The following CD40 variants were observed in gnomAD, a reference collection of about 807,000 sequenced individuals.
CD40 encodes the protein tumor necrosis factor receptor superfamily member 5.
A neutral mutation model predicts 38.5 loss-of-function variants in CD40; 19 were observed. That is an observed-to-expected ratio of 0.49 (90% CI 0.34 to 0.72). The LOEUF is 0.72. CD40 is among the 30% of genes least tolerant of loss of function. The pLI is 0.01. For synonymous variants in CD40, 130 were observed against 128.7 expected, an observed-to-expected ratio of 1.01 and a Z score of -0.07; for missense variants, 256 against 344.1, an observed-to-expected ratio of 0.74 and a Z score of 2.03.
chr20:46,126,590 A>G (rs2085440944), intron 5 of CD40, 50 bp from the exon 6 acceptor site: 1 of 1,612,020 alleles, frequency 6.2e-7, no homozygotes, highest in Non-Finnish European at 8.5e-7. Context: ...GAAACTTAAT[A>G]TCTCTTTCTT....
intron 1 of CD40, among the ~76,000 whole-genome samples, chr20:46,120,491 C>T (rs965678126): frequency 6.6e-6 from 1 of 152,238 alleles, no homozygotes; most frequent in African/African-American, 2.4e-5. Context: ...TAGAATTAAA[C>T]ATACACTTAC....
intron 5 of CD40, among the ~76,000 whole-genome samples, chr20:46,124,465 T>A (rs1401798019): frequency 6.6e-6 from 1 of 152,084 alleles, no homozygotes; most frequent in Non-Finnish European, 1.5e-5. Context: ...TCCTTGCATA[T>A]CCTTCCAGAG....
chr20:46,118,653 G>A (rs1439110305), intron 1 of CD40, among the ~76,000 whole-genome samples: 1 of 152,188 alleles, frequency 6.6e-6, no homozygotes, highest in Admixed American at 6.5e-5. Flanking sequence ...AGACGGCCTG[G>A]ACGGGTTTAG....
chr20:46,128,940 CCA>C lies in CD40; in HGVS notation c.735_736del (p.Asn246HisfsTer60). ...AATTTTCCCGACGATCTTCCTGGCT[CCA>C]ACACTGCTGCTCCAGTGCAGGAGAC... is the stretch of plus-strand genomic sequence containing the variant. On this transcript the variant is annotated frameshift_variant, in exon 9 of 9. Coordinates refer to ENST00000372285, the MANE Select transcript of CD40 (RefSeq NM_001250.6). LOFTEE classifies it high-confidence loss of function. 2 of 1,614,210 alleles carry C rather than the reference CCA, an allele frequency of 1.2e-6. No homozygotes were observed. The highest frequency in any genetic ancestry group is 1.7e-6 in the Non-Finnish European group (2 of 1,180,038).
intron 5 of CD40, among the ~76,000 whole-genome samples, chr20:46,124,049 A>T (rs934218083): frequency 6.6e-6 from 1 of 152,210 alleles, no homozygotes; most frequent in Non-Finnish European, 1.5e-5. Context: ...CTGTAATCTC[A>T]GCACTTTGGA....
intron 5 of CD40, among the ~76,000 whole-genome samples, chr20:46,124,867 C>T (rs369778588): frequency 2.7e-5 from 4 of 145,942 alleles, no homozygotes; most frequent in Admixed American, 7.2e-5. Context: ...CCCAGGTTCA[C>T]GCCATTCTCC....
intron 1 of CD40, among the ~76,000 whole-genome samples, chr20:46,120,683 C>T (rs2085300199): frequency 2.0e-5 from 3 of 152,118 alleles, no homozygotes; most frequent in Admixed American, 2.0e-4. Context: ...GTTTTGTTTC[C>T]CCAGAATTTA....
At position 46,122,906 on chromosome 20, in the gene CD40, A is replaced by AATGAACAAGGTCC; in HGVS notation, c.403+150_403+151insATGAACAAGGTCC. 2 of 1,057,100 alleles carry AATGAACAAGGTCC rather than the reference A, an allele frequency of 1.9e-6. No individual in the cohort carries two copies. Among genetic ancestry groups the AATGAACAAGGTCC allele is most frequent in the Non-Finnish European group, 2.8e-6 (2 of 719,250 alleles). 65.5% of individuals were successfully genotyped at this position (1,057,100 alleles called of 1,614,324 possible). On this transcript the variant is annotated intron_variant, in intron 4 of 8. Coordinates refer to ENST00000372285, the MANE Select transcript of CD40 (RefSeq NM_001250.6). The surrounding 1 kb of genome is among the most constrained non-coding windows in gnomAD (Gnocchi z 5.0). ...GTATCCCCACTGGAGTGAGCTGCAG[A>AATGAACAAGGTCC]CGGGACCTTGTTCATTCTGCCTTCT...
At position 46,118,342 on chromosome 20, in the gene CD40, C is replaced by T. The variant is rs758449676; in HGVS notation, c.-2C>T. 2.5e-6 allele frequency: 4 copies of T among 1,613,776 alleles called. No individual in the cohort carries two copies. Among genetic ancestry groups the T allele is most frequent in the Non-Finnish European group, 3.4e-6 (4 of 1,179,982 alleles). ...GGTCCTGCCGCCTGGTCTCACCTCGCTATGGTTCGTCTGCCTCTGCAGTGC... is the reference window on the plus strand; with the variant it reads ...GGTCCTGCCGCCTGGTCTCACCTCGTTATGGTTCGTCTGCCTCTGCAGTGC... On this transcript the variant is annotated 5_prime_UTR_variant, in exon 1 of 9. Transcript: ENST00000372285.
intron 1 of CD40, 151 bp downstream of exon 1, chr20:46,118,545 T>C: frequency 1.3e-6 from 1 of 780,188 alleles, no homozygotes; most frequent in South Asian, 1.5e-5. Flanking sequence ...CGCTCCTGGC[T>C]GAATGGGGTG....
chr20:46,122,458 T>C lies in CD40; in HGVS notation c.256+100T>C. On this transcript the variant is annotated intron_variant, in intron 3 of 8. Coordinates refer to ENST00000372285, the MANE Select transcript of CD40 (RefSeq NM_001250.6). The surrounding 1 kb of genome is among the most constrained non-coding windows in gnomAD (Gnocchi z 5.0). Reference sequence around the variant, plus strand: ...TGTAGCCAGGGTCTGCTCTGATTGGTTGGAGTCCGGGCTGTACTGATCATT... The same window carrying C: ...TGTAGCCAGGGTCTGCTCTGATTGGCTGGAGTCCGGGCTGTACTGATCATT... 5 of 1,584,440 alleles carry C rather than the reference T, an allele frequency of 3.2e-6. No homozygotes were observed. The South Asian group carries it at 5.5e-5, about 18-fold the overall frequency.
In CD40 at chr20:46,121,602, T is replaced by G. The variant is rs1282149181; in HGVS notation, c.52-218T>G. ...ATTGTGAGTTTACAGTACCATTGCT[T>G]TGTAAAAATACCAGAATGATTCTCT... On this transcript the variant is annotated intron_variant, in intron 1 of 8. Transcript: ENST00000372285. The G allele has an allele frequency of 1.6e-5, 10 of 606,580 alleles. No homozygotes were observed. The African/African-American group carries it at 1.8e-4, about 11-fold the overall frequency. 37.6% of individuals were successfully genotyped at this position (606,580 alleles called of 1,614,324 possible).
chr20:46,118,809 C>T (rs919722159), intron 1 of CD40, among the ~76,000 whole-genome samples: 1 of 152,202 alleles, frequency 6.6e-6, no homozygotes, highest in Non-Finnish European at 1.5e-5. Flanking sequence ...TAGTTATCAT[C>T]TCCTTGCCAG....
rs747024806 is a variant in CD40, at chr20:46,122,311, C to A, written c.209C>A (p.Thr70Asn). The change falls in exon 3 of 9, where the codon ACC (threonine) becomes AAC (asparagine). Residue 70 changes from threonine to asparagine, a missense_variant. By Grantham distance (65) the Thr-to-Asn change is moderately conservative. Coordinates refer to ENST00000372285, the MANE Select transcript of CD40 (RefSeq NM_001250.6). The surrounding 1 kb of genome is among the most constrained non-coding windows in gnomAD (Gnocchi z 5.0). ...TGCGGTGAAAGCGAATTCCTAGACA[C>A]CTGGAACAGAGAGACACACTGCCAC... ...LPCGESEFLD[T>N]WNRETHCHQH... 5.0e-6 allele frequency: 8 copies of A among 1,614,044 alleles called. No homozygotes were observed. The highest frequency in any genetic ancestry group is 1.3e-5 in the African/African-American group (1 of 74,906).
chr20:46,121,051 C>T (rs560074276), intron 1 of CD40, among the ~76,000 whole-genome samples: 2 of 152,084 alleles, frequency 1.3e-5, no homozygotes, highest in South Asian at 2.1e-4. Context: ...GGCGATGGAG[C>T]GAGACTCTGT....
intron 5 of CD40, among the ~76,000 whole-genome samples, chr20:46,125,673 G>A (rs558475447): frequency 8.6e-5 from 13 of 151,844 alleles, no homozygotes; most frequent in African/African-American, 3.1e-4. Context: ...ACTCCTCCTG[G>A]GGCCACCTGG....
chr20:46,122,166 A>G lies in CD40; in HGVS notation c.131-67A>G. ...CCCTACCCTAAAGCCTGGCCTGATC[A>G]TTGTGTGGTTAGTGTCTGACTCATG... On this transcript the variant is annotated intron_variant, in intron 2 of 8. Transcript: ENST00000372285. The surrounding 1 kb of genome is among the most constrained non-coding windows in gnomAD (Gnocchi z 5.0). The G allele has an allele frequency of 6.3e-7, 1 of 1,590,354 alleles. No individual in the cohort carries two copies. The highest frequency in any genetic ancestry group is 8.6e-7 in the Non-Finnish European group (1 of 1,158,688).
chr20:46,128,116 G>A (rs1262703075), intron 6 of CD40, 22 bp from the exon 7 acceptor site: 1 of 1,614,054 alleles, frequency 6.2e-7, no homozygotes, highest in South Asian at 1.1e-5. Flanking sequence ...AGGGGTGCAT[G>A]CTGAAGTCCT....
intron 5 of CD40, among the ~76,000 whole-genome samples, chr20:46,124,574 T>C (rs928578275): frequency 4.1e-5 from 4 of 96,446 alleles, no homozygotes; most frequent in Admixed American, 1.1e-4. Context: ...ATACATTTTA[T>C]TTGTTAACTG....
Sources: gnomAD v4.1 joint callset for allele counts (sites outside exome capture counted in the v4.1 genomes callset) on GRCh38, gnomAD v4.1.1 for gene constraint, Gnocchi (gnomAD v3.1) non-coding constraint, MANE v1.5 for transcripts, NCBI Gene and HGNC (gene_info 2026-07-23, HGNC 2026-07-21) for gene names.